Variants in KLHL5 observed in about 807,000 individuals in gnomAD.
KLHL5 encodes kelch like family member 5, also known as kelch-like protein 5.
In KLHL5, 48 loss-of-function variants were observed where a neutral mutation model predicts 77.7. The observed-to-expected ratio is 0.62, with a 90% confidence interval of 0.49 to 0.79. The LOEUF is 0.79. Ranked by LOEUF, KLHL5 falls within the 30% of genes least tolerant of loss-of-function variation. The pLI is 0.00. For missense variants in KLHL5, 723 were observed against 859.7 expected (o/e 0.84, Z 1.99); for synonymous variants, 260 against 297.0 (o/e 0.88, Z 1.28).
intron 1 of KLHL5, among the ~76,000 whole-genome samples, chr4:39,073,822 A>AT (rs1285490010): frequency 7.3e-4 from 79 of 108,672 alleles, no homozygotes; most frequent in Admixed American, 2.8e-3. Context: ...TTTTTTTTTT[A>AT]TTTTTATTTT....
chr4:39,096,887 T>G lies in KLHL5; in HGVS notation c.1300+9T>G, dbSNP rs1721114565. On this transcript the variant is annotated intron_variant, in intron 6 of 10. Coordinates refer to ENST00000504108, the MANE Select transcript of KLHL5 (RefSeq NM_015990.5). ...AATGGATTCAACAAAAGGTATCAAA[T>G]AATCTTTTATTTGGGGAGGGAGGAC... The G allele has an allele frequency of 6.2e-7, 1 of 1,600,560 alleles. No individual in the cohort carries two copies. Among genetic ancestry groups the G allele is most frequent in the African/African-American group, 1.3e-5 (1 of 74,542 alleles).
chr4:39,058,497 G>C (rs1207572245), upstream of KLHL5, among the ~76,000 whole-genome samples: 1 of 151,980 alleles, frequency 6.6e-6, no homozygotes, highest in African/African-American at 2.4e-5. Flanking sequence ...CGTGCCTGTA[G>C]TCCCAGTTAC....
chr4:39,140,373 CCTAA>C, the KLHL5 span, among the ~76,000 whole-genome samples: 2 of 152,104 alleles, frequency 1.3e-5, no homozygotes, highest in African/African-American at 2.4e-5. Context: ...GTGTTTACTG[CCTAA>C]CTTTTATGAT....
intron 1 of KLHL5, among the ~76,000 whole-genome samples, chr4:39,068,234 TATTA>T (rs1377334939): frequency 6.6e-6 from 1 of 152,108 alleles, no homozygotes; most frequent in Non-Finnish European, 1.5e-5. Flanking sequence ...TGATCTAGTC[TATTA>T]ATTCTGGTTC....
At chr4:39,046,637 A>G (rs186979184) in intron 1 of KLHL5, among the ~76,000 whole-genome samples, 4 of 152,352 alleles carry the variant, frequency 2.6e-5, no homozygotes, top group Admixed American at 6.5e-5. Context: ...CCAAGATTAG[A>G]AACAAACCAG....
At chr4:39,132,523 C>G in the KLHL5 span, among the ~76,000 whole-genome samples, 1 of 151,922 alleles carries the variant, frequency 6.6e-6, no homozygotes, top group Middle Eastern at 3.2e-3. Context: ...TTGGGAGGCT[C>G]ACTTGAGCCC....
chr4:39,115,643 C>A, intron 10 of KLHL5: 1 of 1,341,646 alleles, frequency 7.5e-7, no homozygotes, highest in Non-Finnish European at 9.5e-7. Context: ...GGAGGGGAGA[C>A]TGGAAAATAA....
At chr4:39,070,307 G>GA (rs1265317243) in intron 1 of KLHL5, among the ~76,000 whole-genome samples, 1 of 152,076 alleles carries the variant, frequency 6.6e-6, no homozygotes, top group Non-Finnish European at 1.5e-5. Flanking sequence ...TGCTGGATAG[G>GA]AAAAAACAAT....
intron 1 of KLHL5, among the ~76,000 whole-genome samples, chr4:39,071,532 G>A (rs966655808): frequency 1.3e-5 from 2 of 152,184 alleles, no homozygotes; most frequent in Admixed American, 1.3e-4. Context: ...GTACATGTAA[G>A]CACATTTAAA....
chr4:39,116,964 G>C (rs1252072243), intron 10 of KLHL5, among the ~76,000 whole-genome samples: 1 of 152,048 alleles, frequency 6.6e-6, no homozygotes, highest in African/African-American at 2.4e-5. Flanking sequence ...AGCCTCCCCA[G>C]TAGCTGGGAT....
chr4:39,064,395 C>T (rs1233646592), intron 1 of KLHL5, among the ~76,000 whole-genome samples: 2 of 151,744 alleles, frequency 1.3e-5, no homozygotes, highest in East Asian at 3.9e-4. Flanking sequence ...AGACTTGTTG[C>T]CATAAAGAGA....
At chr4:39,137,151 T>C in the KLHL5 span, among the ~76,000 whole-genome samples, 5 of 150,982 alleles carry the variant, frequency 3.3e-5, no homozygotes, top group East Asian at 9.8e-4. Context: ...AAGATAGAGA[T>C]AATAGATTAA....
chr4:39,139,492 A>G, the KLHL5 span, among the ~76,000 whole-genome samples: 2 of 152,028 alleles, frequency 1.3e-5, no homozygotes, highest in East Asian at 1.9e-4. Flanking sequence ...CGTTTGTCCA[A>G]ACTCACAGAA....
intron 1 of KLHL5, among the ~76,000 whole-genome samples, chr4:39,073,412 T>C (rs1231691134): frequency 6.6e-6 from 1 of 152,200 alleles, no homozygotes; most frequent in African/African-American, 2.4e-5. Flanking sequence ...TTTATTTGTT[T>C]AATCATCACT....
At position 39,122,572 on chromosome 4, in the gene KLHL5, G is replaced by A. The variant is rs1296489005; in HGVS notation, c.*1506G>A. Among the ~76,000 whole-genome samples, 3 of 152,170 alleles carry A rather than the reference G, an allele frequency of 2.0e-5. No individual in the cohort carries two copies. Among genetic ancestry groups the A allele is most frequent in the Non-Finnish European group, 2.9e-5 (2 of 68,032 alleles). On this transcript the variant is annotated 3_prime_UTR_variant, in exon 11 of 11. Coordinates refer to ENST00000504108, the MANE Select transcript of KLHL5 (RefSeq NM_015990.5). Reference sequence around the variant, plus strand: ...ATAATTCCCAGCACTTTGGGAGGCTGAGGTGGGCGGATCACGAGGTCAGGA... The same window carrying A: ...ATAATTCCCAGCACTTTGGGAGGCTAAGGTGGGCGGATCACGAGGTCAGGA...
chr4:39,112,655 T>TAA (rs71643267), intron 8 of KLHL5: 20 of 197,648 alleles, frequency 1.0e-4, no homozygotes, highest in East Asian at 2.6e-4. Flanking sequence ...TCTTAACTAT[T>TAA]AAAAAAAAAG....
At position 39,113,144 on chromosome 4, in the gene KLHL5, A is replaced by T; in HGVS notation, c.1813A>T (p.Thr605Ser). Residue 605 changes from threonine to serine, a missense_variant, in exon 9 of 11, where the codon ACG becomes TCG. This residue lies in a region of KLHL5 where 214 missense variants were observed against 237.4 expected (regional missense o/e 0.90). Transcript: ENST00000504108. ...AAAAAGGAGAGGTGGCGTAGGAGTG[A>T]CGACCTGGAATGGACTGCTGTATGC... Reference protein sequence around the residue: ...MSKRRGGVGVTTWNGLLYAIG... With the variant: ...MSKRRGGVGVSTWNGLLYAIG... 6.2e-7 allele frequency: 1 copy of T among 1,614,210 alleles called. No individual in the cohort carries two copies. The highest frequency in any genetic ancestry group is 8.5e-7 in the Non-Finnish European group (1 of 1,180,020).
In KLHL5 at chr4:39,082,075, T is replaced by C. The variant is rs1281135909; in HGVS notation, c.816T>C (p.His272=). ...ACCKFLMKQL[H]PSNCLGIRSF... is the part of the protein sequence containing the mutation. ...GTAAGTTTTTAATGAAACAGCTTCA[T>C]CCATCCAACTGTCTTGGAATTCGTT... The change falls in exon 4 of 11, where the codon CAT becomes CAC. Residue 272 remains histidine, a synonymous_variant. Coordinates refer to ENST00000504108, the MANE Select transcript of KLHL5 (RefSeq NM_015990.5). 3.7e-6 allele frequency: 6 copies of C among 1,614,000 alleles called. No individual in the cohort carries two copies. The highest frequency in any genetic ancestry group is 5.1e-6 in the Non-Finnish European group (6 of 1,179,982).
At chr4:39,065,020 T>A (rs1392040227) in intron 1 of KLHL5, among the ~76,000 whole-genome samples, 1 of 152,146 alleles carries the variant, frequency 6.6e-6, no homozygotes, top group Non-Finnish European at 1.5e-5. Context: ...TGTTTTTGAT[T>A]TTTAGATATG....
Sources: gnomAD v4.1 joint callset for allele counts (sites outside exome capture counted in the v4.1 genomes callset) on GRCh38, gnomAD v4.1.1 for gene constraint, gnomAD v4.1.1 regional missense constraint, MANE v1.5 for transcripts, NCBI Gene and HGNC (gene_info 2026-07-23, HGNC 2026-07-21) for gene names.